The following WASHC2C variants were observed in gnomAD, a reference collection of about 807,000 sequenced individuals.
WASHC2C encodes Vaccinia Penetration Factor.
In WASHC2C, 73 loss-of-function variants were observed where a neutral mutation model predicts 142.2. The ratio of observed to expected loss-of-function variants is 0.51; its 90% CI spans 0.43 to 0.62. The LOEUF is 0.62. Ranked by LOEUF, WASHC2C falls within the 20% of genes least tolerant of loss-of-function variation. WASHC2C has a pLI of 0.00. For missense variants in WASHC2C, 969 were observed against 1,531.7 expected, an observed-to-expected ratio of 0.63 and a Z score of 6.13; for synonymous variants, 337 against 565.5, an observed-to-expected ratio of 0.60 and a Z score of 5.73.
At chr10:45,746,891 A>G (rs1446051864) in intron 8 of WASHC2C, among the ~76,000 whole-genome samples, 1 of 152,212 alleles carries the variant, frequency 6.6e-6, no homozygotes, top group Non-Finnish European at 1.5e-5. Context: ...GCACAATTGG[A>G]AAACAGAGCC....
At chr10:45,746,277 TTTAG>T (rs1352886589) in intron 7 of WASHC2C, among the ~76,000 whole-genome samples, 2 of 146,176 alleles carry the variant, frequency 1.4e-5, no homozygotes, top group Admixed American at 6.9e-5. Flanking sequence ...CTTTCAGTAA[TTTAG>T]TTAGTTAAAT....
At chr10:45,756,517 G>A (rs1309577842) in intron 15 of WASHC2C, among the ~76,000 whole-genome samples, 2 of 151,952 alleles carry the variant, frequency 1.3e-5, no homozygotes, top group South Asian at 2.1e-4. Context: ...GGGGGAATTA[G>A]AAGCATGTAT....
intron 16 of WASHC2C, 24 bp downstream of exon 16, chr10:45,757,163 G>A (rs536010083): frequency 6.2e-6 from 10 of 1,610,866 alleles, no homozygotes; most frequent in Admixed American, 1.7e-5. Flanking sequence ...AAGACTTAAC[G>A]CAGGAGCATT....
chr10:45,732,447 A>G (rs1366459241), intron 3 of WASHC2C, among the ~76,000 whole-genome samples: 2 of 152,216 alleles, frequency 1.3e-5, no homozygotes, highest in Admixed American at 6.5e-5. Context: ...ACACAATTCT[A>G]AAGGCTTAAT....
rs1438790624 is a variant in WASHC2C, at chr10:45,753,624, G to T, written c.1180+387G>T. ...GTGTGCATTAAAATCATCTGTGCAG[G>T]TTTTTTTGTTTTTTTGTTTTTTGTT... On this transcript the variant is annotated intron_variant, in intron 13 of 30. Transcript: ENST00000623400. Among the ~76,000 whole-genome samples, 4 of 139,184 alleles carry T rather than the reference G, an allele frequency of 2.9e-5. No homozygotes were observed. The East Asian group carries it at 8.5e-4, about 29-fold the overall frequency. The allele number at this position is 139,184 out of a possible 152,430, so 91.3% of individuals were successfully genotyped here.
At chr10:45,771,477 T>C (rs2056583683) in intron 20 of WASHC2C, 27 of 984,486 alleles carry the variant, frequency 2.7e-5, no homozygotes, top group Non-Finnish European at 3.0e-5. Context: ...CACCCTCAGC[T>C]GAGCATTTTC....
rs549607821 is a variant in WASHC2C, at chr10:45,762,408, C to T, written c.1636-980C>T. 2.7e-3 allele frequency among the ~76,000 whole-genome samples: 408 copies of T among 151,492 alleles called. 1 individual carries two copies. Among genetic ancestry groups the T allele is most frequent in the Non-Finnish European group, 4.4e-3 (297 of 67,798 alleles). On this transcript the variant is annotated intron_variant, in intron 17 of 30. Transcript: ENST00000623400. ...GGTATTTTTACAAAATTAATATAGG[C>T]TGGTCTTGAACTCCTGACCTCAGGT... is the stretch of plus-strand genomic sequence containing the variant.
chr10:45,773,200 T>A (rs1213033697), intron 20 of WASHC2C, 56 bp from the exon 21 acceptor site: 11 of 600,078 alleles, frequency 1.8e-5, no homozygotes, highest in African/African-American at 1.7e-4. Context: ...GTTGTTATGG[T>A]TTTTGTTTTT....
intron 4 of WASHC2C, among the ~76,000 whole-genome samples, chr10:45,738,968 A>T (rs2051634517): frequency 6.6e-6 from 1 of 152,178 alleles, no homozygotes; most frequent in African/African-American, 2.4e-5. Flanking sequence ...TGGCCTCCCA[A>T]AGTGCTAGGA....
intron 23 of WASHC2C, among the ~76,000 whole-genome samples, chr10:45,784,267 T>TATATATATATATATACAC (rs2057782978): frequency 1.8e-4 from 1 of 5,654 alleles, no homozygotes; most frequent in African/African-American, 3.2e-4. Context: ...TATATATATA[T>TATATATATATATATACAC]ATATATATAT....
chr10:45,771,417 A>C (rs576073813), intron 20 of WASHC2C: 1 of 983,942 alleles, frequency 1.0e-6, no homozygotes, highest in South Asian at 4.7e-5. Flanking sequence ...GACAAGAAAG[A>C]GAAGAAATAG....
intron 15 of WASHC2C, among the ~76,000 whole-genome samples, chr10:45,756,789 C>T (rs1453123688): frequency 8.5e-5 from 13 of 152,340 alleles, no homozygotes; most frequent in African/African-American, 2.2e-4. Flanking sequence ...ATGTCAGCCA[C>T]GTGGATAAAC....
Position 45,734,291 on chromosome 10 carries a change from C to G in WASHC2C, c.292-3692C>G, listed in dbSNP as rs1437895870. 5.1e-4 allele frequency among the ~76,000 whole-genome samples: 78 copies of G among 151,876 alleles called. 1 individual carries two copies. The highest frequency in any genetic ancestry group is 1.3e-3 in the African/African-American group (52 of 41,446). The stretch of plus-strand genomic sequence containing the variant: ...CAAAAAATCAGCTACCCCAAATTAA[C>G]CAACCATTGAACTTTTCAGTGTATT... On this transcript the variant is annotated intron_variant, in intron 3 of 30. Transcript: ENST00000623400.
At position 45,743,440 on chromosome 10, in the gene WASHC2C, C is replaced by G. The variant is rs1554869425; in HGVS notation, c.579C>G (p.Phe193Leu). The G allele has an allele frequency of 6.2e-7, 1 of 1,611,906 alleles. No homozygotes were observed. The highest frequency in any genetic ancestry group is 1.1e-5 in the South Asian group (1 of 90,978). The change falls in exon 6 of 31, where the codon TTC (phenylalanine) becomes TTG (leucine). Residue 193 changes from phenylalanine to leucine, a missense_variant. Physicochemically the swap from Phe to Leu is conservative, Grantham distance 22 (BLOSUM62 0). Transcript: ENST00000623400. The part of the protein sequence containing the change: ...PLPYLIGSKL[F>L]MEQEDVGLGE... ...CATATCTCATTGGGTCAAAGCTGTTCATGGAACAAGAAGATGTAGGTCTTG... is the reference window on the plus strand; with the variant it reads ...CATATCTCATTGGGTCAAAGCTGTTGATGGAACAAGAAGATGTAGGTCTTG...
rs375020715 is a variant in WASHC2C, at chr10:45,769,497, A to C, written c.1918A>C (p.Arg640=). The change falls in exon 20 of 31, where the codon AGG becomes CGG. Residue 640 remains arginine (R), a synonymous_variant. Coordinates refer to ENST00000623400, the MANE Select transcript of WASHC2C (RefSeq NM_001330074.2). ...ASQTHLASDS[R]SKGEPRDSGT... The stretch of plus-strand genomic sequence containing the variant: ...ACAGACCCACTTAGCATCTGACAGC[A>C]GGTCTAAAGGAGAACCCAGGGATTC... 2.8e-4 allele frequency: 454 copies of C among 1,611,442 alleles called. 1 individual carries two copies. In the African/African-American group the frequency reaches 5.4e-3, roughly 19 times the overall value.
chr10:45,770,209 C>G (rs1176576728), intron 20 of WASHC2C, among the ~76,000 whole-genome samples: 1 of 149,332 alleles, frequency 6.7e-6, no homozygotes, highest in Non-Finnish European at 1.5e-5. Flanking sequence ...CCACTGCACT[C>G]CAGCCTGGGC....
In WASHC2C at chr10:45,746,698, T is replaced by G. The variant is rs2052878498; in HGVS notation, c.732+51T>G. 3.1e-6 allele frequency: 5 copies of G among 1,597,404 alleles called. No homozygotes were observed. In the South Asian group the frequency reaches 5.5e-5, roughly 18 times the overall value. On this transcript the variant is annotated intron_variant, in intron 8 of 30. Transcript: ENST00000623400. ...TTGTTTTTACATTTTAATTGAAGCA[T>G]AGTATATATACTAAAATTACTTTGG...
intron 3 of WASHC2C, among the ~76,000 whole-genome samples, chr10:45,734,449 T>C (rs2050976036): frequency 6.6e-6 from 1 of 151,930 alleles, no homozygotes. Flanking sequence ...TTTGAGACTT[T>C]TGTGAATTTA....
intron 8 of WASHC2C, among the ~76,000 whole-genome samples, chr10:45,748,283 C>CTTTTTTTTT (rs1160119861): frequency 5.2e-5 from 3 of 57,192 alleles, no homozygotes; most frequent in African/African-American, 7.9e-5. Context: ...TTTTTCTTTC[C>CTTTTTTTTT]TTTTTTTTTT....
Sources: gnomAD v4.1 joint callset for allele counts (sites outside exome capture counted in the v4.1 genomes callset) on GRCh38, gnomAD v4.1.1 for gene constraint, MANE v1.5 for transcripts, NCBI Gene and HGNC (gene_info 2026-07-23, HGNC 2026-07-21) for gene names.